The following TMEM178B variants were observed in gnomAD, a reference collection of about 807,000 sequenced individuals.
TMEM178B encodes transmembrane protein 178B.
Under a neutral mutation model 31.0 loss-of-function variants are expected in TMEM178B, and 5 were observed. The ratio of observed to expected loss-of-function variants is 0.16; its 90% CI spans 0.08 to 0.34. The LOEUF is 0.34. Ranked by LOEUF, TMEM178B falls within the 10% of genes least tolerant of loss-of-function variation. The pLI is 1.00. For missense variants in TMEM178B, 275 were observed against 400.3 expected, an observed-to-expected ratio of 0.69 and a Z score of 2.67; for synonymous variants, 164 against 164.0, an observed-to-expected ratio of 1.00 and a Z score of 0.00.
intron 2 of TMEM178B, among the ~76,000 whole-genome samples, chr7:141,271,230 C>G (rs62484711): frequency 1.2e-3 from 177 of 152,276 alleles, no homozygotes; most frequent in Non-Finnish European, 2.0e-3. Flanking sequence ...GGCAGGAGGC[C>G]TGCTTCAAAA....
At chr7:141,491,308 C>T in the TMEM178B span, among the ~76,000 whole-genome samples, 1 of 152,176 alleles carries the variant, frequency 6.6e-6, no homozygotes, top group Non-Finnish European at 1.5e-5. Flanking sequence ...GCTGGGATTA[C>T]ATGTGTGAGT....
At chr7:141,292,562 A>G (rs1490537015) in intron 2 of TMEM178B, among the ~76,000 whole-genome samples, 2 of 151,668 alleles carry the variant, frequency 1.3e-5, no homozygotes, top group East Asian at 1.9e-4. Flanking sequence ...CTAATGAACC[A>G]ATATCCTTCC....
the TMEM178B span, among the ~76,000 whole-genome samples, chr7:141,491,909 G>T: frequency 6.6e-6 from 1 of 152,072 alleles, no homozygotes; most frequent in South Asian, 2.1e-4. Flanking sequence ...TCAGCAATCT[G>T]CATCCTCCCA....
chr7:141,250,493 T>TA (rs923748942), intron 2 of TMEM178B, among the ~76,000 whole-genome samples: 10 of 152,200 alleles, frequency 6.6e-5, no homozygotes, highest in African/African-American at 1.9e-4. Flanking sequence ...CAGAAGGAAA[T>TA]ATATTGCTAA....
intron 1 of TMEM178B, among the ~76,000 whole-genome samples, chr7:141,115,128 C>T (rs1358610135): frequency 6.6e-5 from 10 of 152,062 alleles, no homozygotes; most frequent in African/African-American, 9.7e-5. Context: ...CTGCAACCTC[C>T]GCCTCCTGGG....
At chr7:141,309,635 TA>T (rs893346187) in intron 2 of TMEM178B, among the ~76,000 whole-genome samples, 4 of 152,302 alleles carry the variant, frequency 2.6e-5, no homozygotes, top group African/African-American at 9.6e-5. Context: ...GATGATAAAC[TA>T]AAAAAGTTTA....
intron 2 of TMEM178B, among the ~76,000 whole-genome samples, chr7:141,312,367 A>G (rs914823693): frequency 5.9e-5 from 9 of 152,226 alleles, no homozygotes; most frequent in Admixed American, 5.9e-4. Context: ...TCAGAAAGGT[A>G]TGGTTAAGAG....
intron 2 of TMEM178B, among the ~76,000 whole-genome samples, chr7:141,283,806 C>G (rs1424676029): frequency 6.6e-6 from 1 of 152,148 alleles, no homozygotes; most frequent in African/African-American, 2.4e-5. Flanking sequence ...GATCTTGATA[C>G]TGAAAAAATT....
rs896964248 is a variant in TMEM178B, at chr7:141,111,383, G to T, written c.382+36691G>T. ...GATTATGGGAGCTACAATTCAAGAT[G>T]AAATTTGGGTGGGGACACAGCCAAA... On this transcript the variant is annotated intron_variant, in intron 1 of 3. Transcript: ENST00000565468. 3.9e-5 allele frequency among the ~76,000 whole-genome samples: 6 copies of T among 152,318 alleles called. No individual in the cohort carries two copies. In the East Asian group the frequency reaches 1.2e-3, roughly 29 times the overall value.
At chr7:141,134,599 A>G (rs576397334) in intron 1 of TMEM178B, among the ~76,000 whole-genome samples, 3 of 152,204 alleles carry the variant, frequency 2.0e-5, no homozygotes. Context: ...AATGATAAAC[A>G]TTAAGAAAGA....
intron 2 of TMEM178B, among the ~76,000 whole-genome samples, chr7:141,341,599 C>T (rs927575175): frequency 2.6e-5 from 4 of 152,208 alleles, no homozygotes; most frequent in African/African-American, 7.2e-5. Context: ...GACTGTTTTT[C>T]GTCTTCACTG....
At chr7:141,332,036 G>A (rs1799308616) in intron 2 of TMEM178B, among the ~76,000 whole-genome samples, 1 of 152,318 alleles carries the variant, frequency 6.6e-6, no homozygotes. Context: ...CCTCCAGTGA[G>A]TGAGGAGATG....
chr7:141,336,850 T>C (rs547674117), intron 2 of TMEM178B, among the ~76,000 whole-genome samples: 68 of 79,614 alleles, frequency 8.5e-4, no homozygotes, highest in African/African-American at 2.8e-3. Context: ...TCATAACCAT[T>C]ACCATCACTA....
chr7:141,105,238 G>A (rs1795124131), intron 1 of TMEM178B, among the ~76,000 whole-genome samples: 1 of 152,210 alleles, frequency 6.6e-6, no homozygotes, highest in African/African-American at 2.4e-5. Flanking sequence ...GGCTGCTGTG[G>A]TGGCTCACGC....
intron 2 of TMEM178B, among the ~76,000 whole-genome samples, chr7:141,215,787 T>TTTCC (rs1797125125): frequency 1.6e-5 from 1 of 62,624 alleles, no homozygotes; most frequent in African/African-American, 6.5e-5. Context: ...CCTTTCTTTC[T>TTTCC]TTCTTTCTTT....
At chr7:141,496,543 G>A in the TMEM178B span, among the ~76,000 whole-genome samples, 1 of 141,346 alleles carries the variant, frequency 7.1e-6, no homozygotes, top group South Asian at 2.1e-4. Context: ...AGTGGCGGGC[G>A]CCTGTAGTCC....
intron 2 of TMEM178B, among the ~76,000 whole-genome samples, chr7:141,249,276 C>T (rs1471787100): frequency 4.6e-5 from 7 of 152,130 alleles, no homozygotes; most frequent in Non-Finnish European, 1.0e-4. Context: ...GGGGTTTCCA[C>T]GTTTGCTTGG....
intron 2 of TMEM178B, among the ~76,000 whole-genome samples, chr7:141,228,039 TACAC>T (rs71853516): frequency 6.7e-6 from 1 of 150,222 alleles, no homozygotes; most frequent in East Asian, 1.9e-4. Context: ...AAGGTGTGTG[TACAC>T]ACACACACAC....
At chr7:141,508,547 C>T in the TMEM178B span, among the ~76,000 whole-genome samples, 2 of 152,092 alleles carry the variant, frequency 1.3e-5, no homozygotes, top group Non-Finnish European at 1.5e-5. Flanking sequence ...TGTATTAGTC[C>T]GTTTTCACCC....
Sources: allele counts gnomAD v4.1 joint callset (sites outside exome capture counted in the v4.1 genomes callset), GRCh38; gene constraint gnomAD v4.1.1; transcripts MANE v1.5; gene names NCBI Gene and HGNC (gene_info 2026-07-23, HGNC 2026-07-21).